TRHDE: variants seen among roughly 807,000 people sequenced by gnomAD.
TRHDE encodes thyrotropin-releasing hormone-degrading ectoenzyme.
Under a neutral mutation model 125.7 loss-of-function variants are expected in TRHDE, and 72 were observed. The ratio of observed to expected loss-of-function variants is 0.57; its 90% CI spans 0.47 to 0.70. TRHDE has a LOEUF of 0.70. TRHDE is among the 30% of genes least tolerant of loss of function. The pLI is 0.00. For missense variants in TRHDE, 1,110 were observed against 1,327.1 expected (o/e 0.84, Z 2.54); for synonymous variants, 509 against 509.1 (o/e 1.00, Z 0.00).
intron 2 of TRHDE, among the ~76,000 whole-genome samples, chr12:72,183,124 A>T (rs1273277318): frequency 6.6e-6 from 1 of 152,140 alleles, no homozygotes; most frequent in Non-Finnish European, 1.5e-5. Flanking sequence ...ACAAACTTCT[A>T]TTACTTAACT....
At chr12:72,271,087 A>G (rs964723575), upstream of TRHDE, among the ~76,000 whole-genome samples, 1 of 152,228 alleles carries the variant, frequency 6.6e-6, no homozygotes, top group Non-Finnish European at 1.5e-5. Context: ...TTTGGTCCTG[A>G]ATGTTACACT....
At position 72,280,930 on chromosome 12, in the gene TRHDE, C is replaced by T. The variant is rs574534511; in HGVS notation, c.915-5751C>T. ...AATAAAAAAACGTGAATCTCAGACA[C>T]GAATTTTATTTATTTTTATGAAAAC... is the stretch of plus-strand genomic sequence containing the variant. On this transcript the variant is annotated intron_variant, in intron 1 of 18. Transcript: ENST00000261180. Among the ~76,000 whole-genome samples the T allele has an allele frequency of 5.3e-5, 8 of 152,210 alleles. No individual in the cohort carries two copies. In the East Asian group the frequency reaches 7.7e-4, roughly 15 times the overall value.
chr12:72,462,642 C>T (rs1876179697), intron 3 of TRHDE, among the ~76,000 whole-genome samples: 1 of 152,132 alleles, frequency 6.6e-6, no homozygotes, highest in African/African-American at 2.4e-5. Context: ...AAGATTAAAA[C>T]TGCCCTGTCT....
At chr12:72,383,251 A>G (rs1872263853) in intron 3 of TRHDE, among the ~76,000 whole-genome samples, 2 of 152,150 alleles carry the variant, frequency 1.3e-5, no homozygotes, top group African/African-American at 4.8e-5. Context: ...AAAGTTGTAG[A>G]CATATAAAGA....
intron 2 of TRHDE, among the ~76,000 whole-genome samples, chr12:72,358,551 A>G (rs1277055508): frequency 6.6e-6 from 1 of 151,604 alleles, no homozygotes; most frequent in African/African-American, 2.4e-5. Flanking sequence ...TGGGGTAGTT[A>G]AAAGTTCTAC....
At chr12:72,532,683 A>C (rs1039593130) in intron 6 of TRHDE, among the ~76,000 whole-genome samples, 2 of 151,232 alleles carry the variant, frequency 1.3e-5, no homozygotes, top group African/African-American at 4.8e-5. Context: ...CTATTAATGC[A>C]ATTAATTATA....
At chr12:72,554,628 C>T (rs937276482) in intron 7 of TRHDE, among the ~76,000 whole-genome samples, 6 of 152,130 alleles carry the variant, frequency 3.9e-5, no homozygotes. Flanking sequence ...TTTTACCAGC[C>T]AGGATGTAAT....
chr12:72,343,613 A>C (rs979362069), intron 2 of TRHDE, among the ~76,000 whole-genome samples: 7 of 152,114 alleles, frequency 4.6e-5, no homozygotes, highest in Non-Finnish European at 8.8e-5. Flanking sequence ...CCTGTTTATT[A>C]TGCCAATTGT....
At chr12:72,105,645 C>G (rs1875169492) in intron 1 of TRHDE, 1 of 152,094 alleles carries the variant, frequency 6.6e-6, no homozygotes, top group South Asian at 2.1e-4. Context: ...TATTATCTTA[C>G]AGAAGAGAAA....
At chr12:72,473,007 A>G (rs12833607) in intron 4 of TRHDE, 60 bp from the exon 5 acceptor site, 18,344 of 1,270,042 alleles carry the variant, frequency 0.014, 177 homozygotes, top group Middle Eastern at 0.029. Flanking sequence ...GTAATTTTAG[A>G]TAAAATAGTT....
intron 7 of TRHDE, among the ~76,000 whole-genome samples, chr12:72,556,520 T>C (rs1265740102): frequency 6.6e-6 from 1 of 152,240 alleles, no homozygotes; most frequent in Non-Finnish European, 1.5e-5. Flanking sequence ...ACTACTCTTT[T>C]AGGATTCATA....
At chr12:72,388,451 C>T (rs1041968404) in intron 3 of TRHDE, among the ~76,000 whole-genome samples, 1 of 152,116 alleles carries the variant, frequency 6.6e-6, no homozygotes. Context: ...GCTCTATTCC[C>T]TCTACTGAGA....
At chr12:72,423,848 A>G (rs1333831879) in intron 3 of TRHDE, among the ~76,000 whole-genome samples, 1 of 152,104 alleles carries the variant, frequency 6.6e-6, no homozygotes, top group Non-Finnish European at 1.5e-5. Flanking sequence ...TGATGGAAGC[A>G]GAGTTCAGAG....
intron 3 of TRHDE, among the ~76,000 whole-genome samples, chr12:72,430,697 C>A (rs1874440473): frequency 1.3e-5 from 2 of 151,848 alleles, no homozygotes; most frequent in South Asian, 4.1e-4. Flanking sequence ...ACTACTCCAA[C>A]TTTATTAGTC....
chr12:72,329,361 AAATGCCGTTTG>A (rs1277153769), intron 2 of TRHDE, among the ~76,000 whole-genome samples: 1 of 152,198 alleles, frequency 6.6e-6, no homozygotes, highest in South Asian at 2.1e-4. Flanking sequence ...GGCTACAAGA[AAATGCCGTTTG>A]ATTTGGAAAC....
At chr12:72,183,311 A>C (rs951674044) in intron 2 of TRHDE, among the ~76,000 whole-genome samples, 9 of 152,232 alleles carry the variant, frequency 5.9e-5, no homozygotes, top group African/African-American at 2.2e-4. Flanking sequence ...AAGGTTTAGC[A>C]TTTTAATAGC....
chr12:72,586,275 G>A (rs1871434830), intron 12 of TRHDE, among the ~76,000 whole-genome samples: 1 of 152,198 alleles, frequency 6.6e-6, no homozygotes, highest in South Asian at 2.1e-4. Context: ...CTAGTTCTAA[G>A]ATTTTGTGCA....
At chr12:72,485,034 T>C (rs558320198) in intron 5 of TRHDE, among the ~76,000 whole-genome samples, 3 of 152,256 alleles carry the variant, frequency 2.0e-5, no homozygotes, top group South Asian at 4.1e-4. Context: ...GACTTCTTCC[T>C]GCAGAGAAAA....
intron 2 of TRHDE, among the ~76,000 whole-genome samples, chr12:72,298,421 A>G (rs972977876): frequency 6.6e-6 from 1 of 152,228 alleles, no homozygotes; most frequent in African/African-American, 2.4e-5. Context: ...AAGTAATGGC[A>G]TATAATCTGA....
Sources: gnomAD v4.1 joint callset for allele counts (sites outside exome capture counted in the v4.1 genomes callset) on GRCh38, gnomAD v4.1.1 for gene constraint, MANE v1.5 for transcripts, NCBI Gene and HGNC (gene_info 2026-07-23, HGNC 2026-07-21) for gene names.